The following ISM1 variants were observed in gnomAD, a reference collection of about 807,000 sequenced individuals.
ISM1 encodes the protein isthmin-1.
Under a neutral mutation model 46.3 loss-of-function variants are expected in ISM1, and 25 were observed. The ratio of observed to expected loss-of-function variants is 0.54; its 90% CI spans 0.39 to 0.75. The LOEUF is 0.75. Ranked by LOEUF, ISM1 falls within the 30% of genes least tolerant of loss-of-function variation. The pLI, the probability that ISM1 is intolerant of heterozygous loss-of-function variation, is 0.00. For synonymous variants in ISM1, 255 were observed against 256.7 expected (o/e 0.99, Z 0.06); for missense variants, 536 against 625.4 (o/e 0.86, Z 1.52).
At chr20:13,266,754 G>A (rs1341709956) in intron 1 of ISM1, among the ~76,000 whole-genome samples, 1 of 152,158 alleles carries the variant, frequency 6.6e-6, no homozygotes, top group Non-Finnish European at 1.5e-5. Flanking sequence ...ATCATTTTCA[G>A]AGAAGAATGT....
intron 5 of ISM1, among the ~76,000 whole-genome samples, chr20:13,294,037 A>G (rs1251775081): frequency 1.3e-5 from 2 of 152,154 alleles, no homozygotes; most frequent in African/African-American, 4.8e-5. Flanking sequence ...GGGGCAGTAG[A>G]GAATGGTAGG....
rs557322546 is a variant in ISM1, at chr20:13,280,401, C to G, written c.643+503C>G. 4.0e-3 allele frequency among the ~76,000 whole-genome samples: 587 copies of G among 146,868 alleles called. 5 individuals carry two copies. The highest frequency in any genetic ancestry group is 0.013 in the African/African-American group (522 of 40,394). ...CAGGTCTTCAAAGTAACCCCCCCCC[C>G]CCAATACATTTCAAAACTCCAAGTT... On this transcript the variant is annotated intron_variant, in intron 3 of 5. Coordinates refer to ENST00000262487, the MANE Select transcript of ISM1 (RefSeq NM_080826.2).
intron 1 of ISM1, among the ~76,000 whole-genome samples, chr20:13,246,257 A>G (rs1465795602): frequency 1.4e-5 from 2 of 147,724 alleles, no homozygotes; most frequent in African/African-American, 5.1e-5. Flanking sequence ...TGGGCAACAC[A>G]GCGAGACTCC....
chr20:13,226,924 G>A lies in ISM1; in HGVS notation c.138+5010G>A, dbSNP rs771283637. Reference sequence around the variant, plus strand: ...AAAGTCACATTAAAGAAGAGCATGCGTACAGGGAGGAATCATAGGCATCTT... The same window carrying A: ...AAAGTCACATTAAAGAAGAGCATGCATACAGGGAGGAATCATAGGCATCTT... On this transcript the variant is annotated intron_variant, in intron 1 of 5. Coordinates refer to ENST00000262487, the MANE Select transcript of ISM1 (RefSeq NM_080826.2). 3.9e-5 allele frequency among the ~76,000 whole-genome samples: 6 copies of A among 152,120 alleles called. No individual in the cohort carries two copies. The East Asian group carries it at 5.8e-4, about 15-fold the overall frequency.
chr20:13,253,551 C>T (rs1410270380), intron 1 of ISM1, among the ~76,000 whole-genome samples: 1 of 152,182 alleles, frequency 6.6e-6, no homozygotes, highest in East Asian at 1.9e-4. Flanking sequence ...TTGGTGAGAG[C>T]AGAGGTTCTC....
At chr20:13,224,515 T>C (rs2039491320) in intron 1 of ISM1, among the ~76,000 whole-genome samples, 1 of 152,222 alleles carries the variant, frequency 6.6e-6, no homozygotes, top group African/African-American at 2.4e-5. Flanking sequence ...ATTTGTTGGT[T>C]CTGTGCTATC....
At chr20:13,311,172 C>T in the ISM1 span, among the ~76,000 whole-genome samples, 1 of 150,276 alleles carries the variant, frequency 6.7e-6, no homozygotes, top group East Asian at 1.9e-4. Flanking sequence ...CCAGCCTGGG[C>T]AACAAGAGTG....
At chr20:13,326,419 T>C in the ISM1 span, among the ~76,000 whole-genome samples, 1 of 152,200 alleles carries the variant, frequency 6.6e-6, no homozygotes, top group African/African-American at 2.4e-5. Context: ...AGTATATGTA[T>C]ATATTCGATT....
intron 4 of ISM1, among the ~76,000 whole-genome samples, chr20:13,289,195 C>T (rs909171938): frequency 1.3e-5 from 2 of 152,072 alleles, no homozygotes; most frequent in South Asian, 2.1e-4. Flanking sequence ...AAGACAATGT[C>T]GCATTGTACT....
At chr20:13,318,580 C>T in the ISM1 span, among the ~76,000 whole-genome samples, 1 of 152,212 alleles carries the variant, frequency 6.6e-6, no homozygotes, top group Non-Finnish European at 1.5e-5. Context: ...AACTTGGAAT[C>T]AGCCAAGATG....
chr20:13,325,079 C>A, the ISM1 span, among the ~76,000 whole-genome samples: 4 of 152,268 alleles, frequency 2.6e-5, no homozygotes, highest in South Asian at 8.3e-4. Context: ...GTGTTCCAAC[C>A]AGGGAGCTCC....
chr20:13,258,230 C>G (rs1464922340), intron 1 of ISM1, among the ~76,000 whole-genome samples: 7 of 152,148 alleles, frequency 4.6e-5, no homozygotes, highest in Non-Finnish European at 1.0e-4. Flanking sequence ...CCCTTGCTGT[C>G]TAGCTTCTGA....
chr20:13,302,301 T>G (rs2040464753), downstream of ISM1, among the ~76,000 whole-genome samples: 1 of 152,204 alleles, frequency 6.6e-6, no homozygotes, highest in African/African-American at 2.4e-5. Flanking sequence ...GGACTCTGCC[T>G]ACTGAGAACA....
intron 1 of ISM1, among the ~76,000 whole-genome samples, chr20:13,258,113 C>G (rs954244897): frequency 6.6e-6 from 1 of 152,142 alleles, no homozygotes; most frequent in African/African-American, 2.4e-5. Flanking sequence ...CCCAAGCATA[C>G]CTGTGTCCCC....
At chr20:13,230,266 C>G (rs2039574228) in intron 1 of ISM1, among the ~76,000 whole-genome samples, 1 of 152,128 alleles carries the variant, frequency 6.6e-6, no homozygotes, top group African/African-American at 2.4e-5. Flanking sequence ...ATCTTTTACG[C>G]TACATGTTAA....
chr20:13,238,865 G>C (rs2123157917), intron 1 of ISM1: 1 of 152,296 alleles, frequency 6.6e-6, no homozygotes, highest in African/African-American at 2.4e-5. Flanking sequence ...ATCCACTTCT[G>C]TTTAACCCAT....
the ISM1 span, among the ~76,000 whole-genome samples, chr20:13,314,589 T>C: frequency 8.0e-3 from 1,212 of 152,140 alleles, 9 homozygotes; most frequent in Middle Eastern, 0.031. Flanking sequence ...ATGGATGGAA[T>C]TTGTTACCAG....
chr20:13,289,194 T>C (rs56181119), intron 4 of ISM1, among the ~76,000 whole-genome samples: 30,119 of 152,080 alleles, frequency 0.2, 3,169 homozygotes, highest in South Asian at 0.27. Flanking sequence ...AAAGACAATG[T>C]CGCATTGTAC....
intron 1 of ISM1, among the ~76,000 whole-genome samples, chr20:13,263,223 A>T (rs1162827131): frequency 2.6e-5 from 4 of 152,308 alleles, no homozygotes; most frequent in Admixed American, 6.5e-5. Context: ...CACAGGCTTC[A>T]TGAGAGCAGC....
Sources: allele counts gnomAD v4.1 joint callset (sites outside exome capture counted in the v4.1 genomes callset), GRCh38; gene constraint gnomAD v4.1.1; transcripts MANE v1.5; gene names NCBI Gene and HGNC (gene_info 2026-07-23, HGNC 2026-07-21).